The following PCDHA1 variants were observed in gnomAD, a reference collection of about 807,000 sequenced individuals.
The protein encoded by PCDHA1 is protocadherin alpha-1.
A neutral mutation model predicts 61.3 loss-of-function variants in PCDHA1; 42 were observed. The observed-to-expected ratio is 0.69, with a 90% CI of 0.54 to 0.89. The LOEUF (loss-of-function observed/expected upper bound fraction) is 0.89. Ranked by LOEUF, PCDHA1 falls within the 40% of genes least tolerant of loss-of-function variation. PCDHA1 has a pLI of 0.00. For synonymous variants in PCDHA1, 610 were observed against 553.8 expected (o/e 1.10, Z -1.43); for missense variants, 1,256 against 1,235.3 (o/e 1.02, Z -0.25).
chr5:140,936,640 C>G (rs782162757), intron 1 of PCDHA1, among the ~76,000 whole-genome samples: 3 of 152,208 alleles, frequency 2.0e-5, no homozygotes, highest in African/African-American at 7.2e-5. Context: ...TCATAAGCAA[C>G]GTGACTTTAT....
intron 1 of PCDHA1, chr5:140,834,683 G>T: frequency 6.2e-7 from 1 of 1,614,256 alleles, no homozygotes; most frequent in South Asian, 1.1e-5. Flanking sequence ...GGCGGAGCGC[G>T]GAGTGCAGCA....
intron 1 of PCDHA1, chr5:140,807,651 A>G (rs1554124177): frequency 6.2e-7 from 1 of 1,614,098 alleles, no homozygotes; most frequent in Non-Finnish European, 8.5e-7. Flanking sequence ...TTTCCACTAG[A>G]GGGCGCCTCG....
chr5:140,848,925 G>T lies in PCDHA1; in HGVS notation c.2394+60241G>T, dbSNP rs2150425144. ...GACACAAAAGAATCTGTTCATCGCGGAATCCAGGCCGCTTGACTCTCGGTT... is the reference window on the plus strand; with the variant it reads ...GACACAAAAGAATCTGTTCATCGCGTAATCCAGGCCGCTTGACTCTCGGTT... On this transcript the variant is annotated intron_variant, in intron 1 of 3. Transcript: ENST00000504120. 12 of 1,607,696 alleles carry T rather than the reference G, an allele frequency of 7.5e-6. 1 individual carries two copies. The highest frequency in any genetic ancestry group is 1.0e-5 in the Non-Finnish European group (12 of 1,176,962).
chr5:140,942,590 A>G (rs868979857), intron 1 of PCDHA1, among the ~76,000 whole-genome samples: 1 of 148,658 alleles, frequency 6.7e-6, no homozygotes, highest in Admixed American at 6.8e-5. Context: ...GATGTCACAT[A>G]TAATTATAGT....
At chr5:140,949,745 T>C (rs114918785) in intron 1 of PCDHA1, among the ~76,000 whole-genome samples, 49 of 152,020 alleles carry the variant, frequency 3.2e-4, no homozygotes, top group African/African-American at 1.1e-3. Context: ...ACTGAAGTGC[T>C]TAGCCCATTC....
chr5:140,805,034 G>T, intron 1 of PCDHA1: 1 of 1,583,680 alleles, frequency 6.3e-7, no homozygotes, highest in Non-Finnish European at 8.5e-7. Context: ...ATATAATAGA[G>T]TCAGCCAAAG....
At chr5:140,857,581 G>C (rs781800563) in intron 1 of PCDHA1, 4 of 1,596,740 alleles carry the variant, frequency 2.5e-6, no homozygotes, top group African/African-American at 1.3e-5. Flanking sequence ...CGGTGCACGC[G>C]GAGAGCGGCA....
chr5:140,980,901 T>C, intron 2 of PCDHA1, among the ~76,000 whole-genome samples: 1 of 152,218 alleles, frequency 6.6e-6, no homozygotes, highest in East Asian at 1.9e-4. Context: ...TTGGACATCA[T>C]GTAACTATTC....
At chr5:140,966,811 G>T (rs377370256) in intron 1 of PCDHA1, 6 of 1,549,722 alleles carry the variant, frequency 3.9e-6, no homozygotes, top group African/African-American at 1.4e-5. Context: ...AGCATCCACG[G>T]CTCCGGCGGC....
chr5:140,953,960 A>G (rs2153700982), intron 1 of PCDHA1, among the ~76,000 whole-genome samples: 1 of 152,088 alleles, frequency 6.6e-6, no homozygotes, highest in South Asian at 2.1e-4. Flanking sequence ...AACAGGCCCC[A>G]GTGTGTGTTG....
chr5:140,857,783 C>T lies in PCDHA1; in HGVS notation c.2394+69099C>T, dbSNP rs782463412. 1.5e-5 allele frequency: 24 copies of T among 1,597,710 alleles called. No individual in the cohort carries two copies. The East Asian group carries it at 4.7e-4, about 31-fold the overall frequency. ...CAGCGCGGGCGGTGCAGTCAGTGAG[C>T]TGGTGCTGCGGTCGGTGGTTGCGGG... is the stretch of plus-strand genomic sequence containing the variant. On this transcript the variant is annotated intron_variant, in intron 1 of 3. Transcript: ENST00000504120.
intron 1 of PCDHA1, chr5:140,849,989 G>A: frequency 2.5e-6 from 4 of 1,597,330 alleles, no homozygotes; most frequent in Non-Finnish European, 3.4e-6. Flanking sequence ...TGGAGCGGCG[G>A]TTGGGCGAGC....
intron 3 of PCDHA1, among the ~76,000 whole-genome samples, chr5:140,984,315 C>G (rs1254013417): frequency 1.3e-5 from 2 of 152,124 alleles, no homozygotes; most frequent in African/African-American, 4.8e-5. Flanking sequence ...GTGTGTATTC[C>G]TAGGCAAATG....
chr5:140,830,936 TTTA>T (rs1554133060), intron 1 of PCDHA1: 4 of 152,346 alleles, frequency 2.6e-5, no homozygotes. Flanking sequence ...TGTCGACACT[TTTA>T]TTAAGCTAAC....
chr5:140,969,542 C>A, intron 1 of PCDHA1: 1 of 1,279,482 alleles, frequency 7.8e-7, no homozygotes, highest in Non-Finnish European at 1.1e-6. Context: ...TTTTCAGAGG[C>A]ATGAAGCCTT....
chr5:140,822,642 G>A (rs1554128787), intron 1 of PCDHA1: 5 of 1,610,646 alleles, frequency 3.1e-6, no homozygotes, highest in Non-Finnish European at 3.4e-6. Context: ...ACGATGTAAA[G>A]TCCAAATTTA....
rs782398517 is a variant in PCDHA1 at position 140,857,600 on chromosome 5, G to T, written c.2394+68916G>T. 9 of 1,596,344 alleles carry T rather than the reference G, an allele frequency of 5.6e-6. No homozygotes were observed. Among genetic ancestry groups the T allele is most frequent in the Non-Finnish European group, 7.7e-6 (9 of 1,167,692 alleles). On this transcript the variant is annotated intron_variant, in intron 1 of 3. Transcript: ENST00000504120. ...GCACGCGGAGAGCGGCAAGGTGTAC[G>T]CGCTGCAGCCGCTGGACCACGAGGA...
chr5:140,915,222 C>T (rs2153533644), intron 1 of PCDHA1, among the ~76,000 whole-genome samples: 1 of 152,292 alleles, frequency 6.6e-6, no homozygotes, highest in South Asian at 2.1e-4. Context: ...GCTGGGATTA[C>T]AGGCATGAGC....
At chr5:140,887,135 C>T (rs2061323683) in intron 1 of PCDHA1, among the ~76,000 whole-genome samples, 1 of 150,802 alleles carries the variant, frequency 6.6e-6, no homozygotes, top group Non-Finnish European at 1.5e-5. Context: ...CTCACTCTGT[C>T]GCCCAGGCTG....
Sources: gnomAD v4.1 joint callset for allele counts (sites outside exome capture counted in the v4.1 genomes callset) on GRCh38, gnomAD v4.1.1 for gene constraint, MANE v1.5 for transcripts, NCBI Gene and HGNC (gene_info 2026-07-23, HGNC 2026-07-21) for gene names.